The following TEX48 variants were observed in gnomAD, a reference collection of about 807,000 sequenced individuals.
TEX48 encodes the protein testis expressed 48.
In TEX48, 10 loss-of-function variants were observed where a neutral mutation model predicts 13.2. That is an observed-to-expected ratio of 0.75 (90% CI 0.47 to 1.28). The LOEUF (loss-of-function observed/expected upper bound fraction) is 1.28, where lower values mean the gene tolerates loss of function less well. Among genes scored for constraint, TEX48 ranks in the 50% most tolerant of loss-of-function variants. TEX48 has a pLI of 0.00. For missense variants in TEX48, 116 were observed against 139.4 expected, an observed-to-expected ratio of 0.83 and a Z score of 0.84; for synonymous variants, 45 against 52.3, an observed-to-expected ratio of 0.86 and a Z score of 0.60.
chr9:114,679,962 TG>T (rs1828155846), intron 1 of TEX48, among the ~76,000 whole-genome samples: 1 of 152,160 alleles, frequency 6.6e-6, no homozygotes, highest in African/African-American at 2.4e-5. Flanking sequence ...ACTCCCGTTG[TG>T]CCTGGATTAA....
intron 1 of TEX48, among the ~76,000 whole-genome samples, chr9:114,681,243 G>A (rs928566541): frequency 2.6e-5 from 4 of 152,108 alleles, no homozygotes; most frequent in Non-Finnish European, 5.9e-5. Flanking sequence ...TTGACACCCC[G>A]TGCTGATGCT....
chr9:114,677,037 C>G (rs181789169), intron 1 of TEX48, among the ~76,000 whole-genome samples: 74 of 152,320 alleles, frequency 4.9e-4, no homozygotes, highest in African/African-American at 1.7e-3. Context: ...CTATGCCAAA[C>G]AGATCTCCTT....
In TEX48 at chr9:114,668,256, G is replaced by A; in HGVS notation, c.209C>T (p.Pro70Leu). 6.5e-7 allele frequency: 1 copy of A among 1,535,546 alleles called. No individual in the cohort carries two copies. Among genetic ancestry groups the A allele is most frequent in the South Asian group, 1.2e-5 (1 of 84,050 alleles). ...NAVSHLPSRT[P>L]LIQTKKSTSS... ...AGTGCTCTTTTTTGTCTGGATCAGG[G>A]GTGTTCTCGAAGGCAAATGGGAGAC... Residue 70 changes from proline (P) to leucine (L), a missense_variant, in exon 4 of 5, where the codon CCC becomes CTC. Transcript: ENST00000436752.
chr9:114,671,845 C>G lies in TEX48; in HGVS notation c.-104-18G>C. On this transcript the variant is annotated intron_variant, in intron 1 of 4. Transcript: ENST00000436752. ...GCTGTTTCCTAAGTAAACATAAGAC[C>G]GTGGCTGAAAAATGCTAGTCCTTCA... 8.8e-7 allele frequency: 1 copy of G among 1,136,918 alleles called. No individual in the cohort carries two copies. The highest frequency in any genetic ancestry group is 1.3e-6 in the Non-Finnish European group (1 of 787,970). The allele number at this position is 1,136,918 out of a possible 1,614,324, so 70.4% of individuals were successfully genotyped here. A position where few individuals can be genotyped will look rare whatever the true frequency, so the allele number is the denominator to read the frequency against.
At chr9:114,681,699 A>G (rs1828204050) in intron 1 of TEX48, among the ~76,000 whole-genome samples, 1 of 152,098 alleles carries the variant, frequency 6.6e-6, no homozygotes, top group East Asian at 1.9e-4. Flanking sequence ...TCTAGAGGGA[A>G]GCAGAAACCA....
intron 1 of TEX48, among the ~76,000 whole-genome samples, chr9:114,675,649 G>A (rs1264723056): frequency 1.3e-5 from 2 of 152,206 alleles, no homozygotes; most frequent in African/African-American, 2.4e-5. Flanking sequence ...CCTAAAGCTA[G>A]AGTTATCTGG....
In TEX48 at chr9:114,666,628, C is replaced by T. The variant is rs185674825; in HGVS notation, c.*15G>A. On this transcript the variant is annotated 3_prime_UTR_variant, in exon 5 of 5. Coordinates refer to ENST00000436752, the MANE Select transcript of TEX48 (RefSeq NM_001199233.2). ...GGAGATGCCCCAGCAGCTGTGCAGC[C>T]GCCGGCTAGAATGCTCAGGGCCTCC... The T allele has an allele frequency of 6.5e-5, 95 of 1,450,466 alleles. No homozygotes were observed. The highest frequency in any genetic ancestry group is 5.8e-4 in the African/African-American group (41 of 70,100). 89.8% of individuals were successfully genotyped at this position (1,450,466 alleles called of 1,614,324 possible).
intron 3 of TEX48, among the ~76,000 whole-genome samples, chr9:114,668,545 A>G (rs966146052): frequency 1.3e-5 from 2 of 152,186 alleles, no homozygotes; most frequent in Non-Finnish European, 2.9e-5. Context: ...TTAAAATAAT[A>G]CATTGTATTT....
intron 1 of TEX48, among the ~76,000 whole-genome samples, chr9:114,677,189 G>A (rs1201656907): frequency 1.3e-5 from 2 of 152,088 alleles, no homozygotes; most frequent in African/African-American, 4.8e-5. Flanking sequence ...GGTCCATTTA[G>A]CTCCAATCTC....
At chr9:114,668,956 C>T (rs1237751748) in intron 3 of TEX48, among the ~76,000 whole-genome samples, 1 of 152,066 alleles carries the variant, frequency 6.6e-6, no homozygotes, top group South Asian at 2.1e-4. Context: ...CCTGCCTCAG[C>T]CCCCCGAGTA....
At chr9:114,675,717 G>T (rs1214606657) in intron 1 of TEX48, among the ~76,000 whole-genome samples, 1 of 152,150 alleles carries the variant, frequency 6.6e-6, no homozygotes, top group East Asian at 1.9e-4. Context: ...CACCAAGGGG[G>T]TCCCCAAGTC....
chr9:114,668,367 G>C (rs1013094367), intron 3 of TEX48, 30 bp from the exon 4 acceptor site: 18 of 1,531,940 alleles, frequency 1.2e-5, no homozygotes, highest in East Asian at 7.3e-5. Flanking sequence ...AGGGTCACGT[G>C]GGGGAGGCTT....
chr9:114,676,912 G>T (rs1828083580), intron 1 of TEX48, among the ~76,000 whole-genome samples: 2 of 152,150 alleles, frequency 1.3e-5, no homozygotes, highest in Admixed American at 1.3e-4. Flanking sequence ...CACCGCGCCT[G>T]GCCTTTATTC....
At chr9:114,667,603 C>A (rs1251887566) in intron 4 of TEX48, among the ~76,000 whole-genome samples, 1 of 152,158 alleles carries the variant, frequency 6.6e-6, no homozygotes. Context: ...GAAAAATACA[C>A]GTGTAAGATG....
intron 1 of TEX48, among the ~76,000 whole-genome samples, chr9:114,675,274 A>G (rs1018117947): frequency 6.6e-6 from 1 of 152,244 alleles, no homozygotes; most frequent in Non-Finnish European, 1.5e-5. Context: ...AAGCTGTAGG[A>G]CACAGCTTAC....
intron 1 of TEX48, among the ~76,000 whole-genome samples, chr9:114,675,198 A>C (rs2133764056): frequency 6.6e-6 from 1 of 152,334 alleles, no homozygotes; most frequent in East Asian, 1.9e-4. Context: ...TGTCTTGAGT[A>C]AAAGCACTTG....
intron 1 of TEX48, among the ~76,000 whole-genome samples, chr9:114,680,230 C>T (rs557795731): frequency 1.3e-4 from 19 of 147,170 alleles, no homozygotes; most frequent in East Asian, 6.0e-4. Flanking sequence ...TGGGTTCAAG[C>T]GATTCTCCTG....
At chr9:114,680,300 GT>G (rs1828168543) in intron 1 of TEX48, among the ~76,000 whole-genome samples, 1 of 151,730 alleles carries the variant, frequency 6.6e-6, no homozygotes, top group Non-Finnish European at 1.5e-5. Flanking sequence ...GCTAATTTTA[GT>G]TTTTAGTAGA....
At chr9:114,678,021 A>G (rs1828109248) in intron 1 of TEX48, among the ~76,000 whole-genome samples, 1 of 152,216 alleles carries the variant, frequency 6.6e-6, no homozygotes, top group Non-Finnish European at 1.5e-5. Flanking sequence ...AAAGTTCACT[A>G]GATGACTTAG....
Sources: allele counts gnomAD v4.1 joint callset (sites outside exome capture counted in the v4.1 genomes callset), GRCh38; gene constraint gnomAD v4.1.1; transcripts MANE v1.5; gene names NCBI Gene and HGNC (gene_info 2026-07-23, HGNC 2026-07-21).